Variants in CDH12 observed in about 807,000 individuals in gnomAD.
CDH12 encodes cadherin 12, also known as cadherin-12.
A neutral mutation model predicts 74.1 loss-of-function variants in CDH12; 41 were observed. The ratio of observed to expected loss-of-function variants is 0.55; its 90% CI spans 0.43 to 0.72. The LOEUF (loss-of-function observed/expected upper bound fraction) is 0.72. Among genes scored for constraint, CDH12 ranks in the 30% least tolerant of loss-of-function variants. The probability of loss-of-function intolerance (pLI) is 0.00; values close to 1 mark genes in which losing one functional copy is unlikely to be tolerated. For missense variants in CDH12, 945 were observed against 977.2 expected, an observed-to-expected ratio of 0.97 and a Z score of 0.44; for synonymous variants, 399 against 355.0, an observed-to-expected ratio of 1.12 and a Z score of -1.39.
At chr5:22,642,382 T>G (rs754992915) in intron 1 of CDH12, among the ~76,000 whole-genome samples, 1 of 152,198 alleles carries the variant, frequency 6.6e-6, no homozygotes, top group African/African-American at 2.4e-5. Context: ...GTCTTTCTGC[T>G]TCATTTGGTC....
chr5:22,413,118 C>T (rs1185986262), intron 2 of CDH12, among the ~76,000 whole-genome samples: 1 of 151,896 alleles, frequency 6.6e-6, no homozygotes, highest in African/African-American at 2.4e-5. Context: ...ACTTTGTTTA[C>T]TACTCCTGTC....
intron 3 of CDH12, among the ~76,000 whole-genome samples, chr5:22,305,574 C>CA (rs1355541936): frequency 2.6e-5 from 4 of 152,094 alleles, no homozygotes; most frequent in African/African-American, 9.7e-5. Flanking sequence ...GTGCCTGGGC[C>CA]ATTGTATCTC....
intron 8 of CDH12, among the ~76,000 whole-genome samples, chr5:21,835,133 G>C (rs1214661262): frequency 1.3e-5 from 2 of 151,834 alleles, no homozygotes; most frequent in African/African-American, 4.8e-5. Context: ...TGGGAGGTGA[G>C]AGAGGCATAT....
intron 2 of CDH12, among the ~76,000 whole-genome samples, chr5:22,427,070 C>T (rs1375745981): frequency 6.6e-6 from 1 of 152,126 alleles, no homozygotes; most frequent in Admixed American, 6.6e-5. Flanking sequence ...CTTTTTGCCT[C>T]CTCTTCTTTC....
chr5:22,424,860 A>C (rs1743825416), intron 2 of CDH12, among the ~76,000 whole-genome samples: 1 of 152,042 alleles, frequency 6.6e-6, no homozygotes, highest in African/African-American at 2.4e-5. Context: ...AAATAATAAA[A>C]TCTTAGAAAT....
At chr5:22,256,947 C>T (rs1753340106) in intron 3 of CDH12, among the ~76,000 whole-genome samples, 1 of 151,824 alleles carries the variant, frequency 6.6e-6, no homozygotes, top group African/African-American at 2.4e-5. Context: ...TGATAGAATA[C>T]AAAGAAAATG....
intron 3 of CDH12, among the ~76,000 whole-genome samples, chr5:22,317,328 T>A (rs1189581187): frequency 6.6e-6 from 1 of 151,686 alleles, no homozygotes; most frequent in African/African-American, 2.4e-5. Context: ...AAAAAAAAAA[T>A]AAAAAAATTA....
At chr5:22,387,637 C>T (rs2457146) in intron 3 of CDH12, among the ~76,000 whole-genome samples, 51,224 of 151,924 alleles carry the variant, frequency 0.34, 10,114 homozygotes, top group Admixed American at 0.46. Context: ...TGGTACCTGC[C>T]TCAGAATAGC....
chr5:22,718,366 A>G (rs1255170014), intron 1 of CDH12, among the ~76,000 whole-genome samples: 1 of 152,200 alleles, frequency 6.6e-6, no homozygotes, highest in Non-Finnish European at 1.5e-5. Flanking sequence ...AAATGTGAAA[A>G]AGGTGCCTGA....
chr5:21,922,573 G>T (rs964378401), intron 6 of CDH12, among the ~76,000 whole-genome samples: 12 of 152,024 alleles, frequency 7.9e-5, no homozygotes, highest in African/African-American at 2.7e-4. Flanking sequence ...CTCAGGTAAA[G>T]GTAGATGATA....
intron 5 of CDH12, among the ~76,000 whole-genome samples, chr5:22,044,844 C>A (rs911835953): frequency 3.9e-5 from 6 of 152,102 alleles, no homozygotes; most frequent in African/African-American, 1.4e-4. Context: ...TATGAAACTA[C>A]TAGAAGAAAA....
intron 1 of CDH12, among the ~76,000 whole-genome samples, chr5:22,749,914 C>T (rs1025103886): frequency 6.6e-6 from 1 of 152,208 alleles, no homozygotes; most frequent in African/African-American, 2.4e-5. Context: ...CATAGACACA[C>T]ACAAAATCAC....
intron 3 of CDH12, among the ~76,000 whole-genome samples, chr5:22,347,099 C>G (rs1160140424): frequency 6.6e-6 from 1 of 152,208 alleles, no homozygotes; most frequent in Non-Finnish European, 1.5e-5. Flanking sequence ...TGTTTAACCA[C>G]TGCATCAGTA....
intron 1 of CDH12, among the ~76,000 whole-genome samples, chr5:22,637,430 A>G (rs1738899595): frequency 6.6e-6 from 1 of 152,246 alleles, no homozygotes; most frequent in South Asian, 2.1e-4. Flanking sequence ...ACGGGTGATG[A>G]TCACTTTAAA....
rs1323679439 is a variant in CDH12, at chr5:22,125,224, T to G, written c.-186-46362A>C. The stretch of plus-strand genomic sequence containing the variant: ...TGTCATCTAGGTTTTAAGATCCACA[T>G]GCATTAGGTATTTGTCCTAATGCTC... On this transcript the variant is annotated intron_variant, in intron 4 of 14. Coordinates refer to ENST00000382254, the MANE Select transcript of CDH12 (RefSeq NM_004061.5). Among the ~76,000 whole-genome samples, 5 of 152,240 alleles carry G rather than the reference T, an allele frequency of 3.3e-5. No homozygotes were observed. The East Asian group carries it at 5.8e-4, about 18-fold the overall frequency.
In CDH12 at chr5:22,277,109, G is replaced by A. The variant is rs1016826573; in HGVS notation, c.-332-64466C>T. 2.6e-5 allele frequency among the ~76,000 whole-genome samples: 4 copies of A among 152,042 alleles called. No homozygotes were observed. The South Asian group carries it at 6.2e-4, about 24-fold the overall frequency. ...TCTGTCATCCTTAACATTTTGTGCC[G>A]CCTGTGGCAGTAGCAAAGTAGCCCC... On this transcript the variant is annotated intron_variant, in intron 3 of 14. Transcript: ENST00000382254.
At chr5:22,219,250 G>C (rs1312794532) in intron 3 of CDH12, among the ~76,000 whole-genome samples, 1 of 151,702 alleles carries the variant, frequency 6.6e-6, no homozygotes, top group Non-Finnish European at 1.5e-5. Flanking sequence ...CAGGCATGAA[G>C]ATGAAAATAC....
intron 6 of CDH12, among the ~76,000 whole-genome samples, chr5:21,894,364 G>C (rs560068826): frequency 6.9e-6 from 1 of 145,146 alleles, no homozygotes; most frequent in South Asian, 2.2e-4. Flanking sequence ...GGGCAACAGA[G>C]GGAGACACCG....
At chr5:22,048,984 T>C (rs1368529232) in intron 5 of CDH12, among the ~76,000 whole-genome samples, 1 of 152,128 alleles carries the variant, frequency 6.6e-6, no homozygotes, top group Non-Finnish European at 1.5e-5. Flanking sequence ...ATATTTTTAT[T>C]ATTTATGAGT....
Sources: gnomAD v4.1 joint callset for allele counts (sites outside exome capture counted in the v4.1 genomes callset) on GRCh38, gnomAD v4.1.1 for gene constraint, MANE v1.5 for transcripts, NCBI Gene and HGNC (gene_info 2026-07-23, HGNC 2026-07-21) for gene names.